The following MELK variants were observed in gnomAD, a reference collection of about 807,000 sequenced individuals.
MELK encodes the protein maternal embryonic leucine zipper kinase.
In MELK, 81 loss-of-function variants were observed where a neutral mutation model predicts 85.0. The ratio of observed to expected loss-of-function variants is 0.95; its 90% CI spans 0.80 to 1.15. The LOEUF (loss-of-function observed/expected upper bound fraction) is 1.15. MELK is among the 50% of genes most tolerant of loss of function. MELK has a pLI of 0.00. For missense variants in MELK, 754 were observed against 777.5 expected (o/e 0.97, Z 0.36); for synonymous variants, 252 against 265.0 (o/e 0.95, Z 0.48).
At position 36,643,026 on chromosome 9, in the gene MELK, A is replaced by G; in HGVS notation, c.864A>G (p.Thr288=). 1 of 1,612,506 alleles carries G rather than the reference A, an allele frequency of 6.2e-7. No individual in the cohort carries two copies. Among genetic ancestry groups the G allele is most frequent in the Non-Finnish European group, 8.5e-7 (1 of 1,179,530 alleles). The change falls in exon 11 of 18, where the codon ACA becomes ACG. Residue 288 remains threonine, a synonymous_variant. Coordinates refer to ENST00000298048, the MANE Select transcript of MELK (RefSeq NM_014791.4). The part of the protein sequence containing the change: ...PFIHLDDDCV[T]ELSVHHRNNR... ...TTCACCTCGATGATGATTGCGTAAC[A>G]GAACTTTCTGTACATCACAGAAACA...
intron 1 of MELK, among the ~76,000 whole-genome samples, chr9:36,578,865 C>T (rs1395713140): frequency 1.3e-5 from 2 of 152,028 alleles, no homozygotes; most frequent in Non-Finnish European, 2.9e-5. Context: ...TTTTTTGAGA[C>T]AGAATCTTGC....
At chr9:36,596,663 C>T (rs1253588186) in intron 5 of MELK, among the ~76,000 whole-genome samples, 2 of 151,052 alleles carry the variant, frequency 1.3e-5, no homozygotes, top group East Asian at 3.9e-4. Context: ...CTCGGCTCAC[C>T]CCAACCCCCG....
At chr9:36,580,229 G>A (rs1336446240) in intron 1 of MELK, among the ~76,000 whole-genome samples, 1 of 151,712 alleles carries the variant, frequency 6.6e-6, no homozygotes, top group Admixed American at 6.6e-5. Context: ...AGGGTTTTAT[G>A]ATGTTAGCCA....
At chr9:36,605,250 C>T (rs993776401) in intron 7 of MELK, among the ~76,000 whole-genome samples, 2 of 151,758 alleles carry the variant, frequency 1.3e-5, no homozygotes, top group Non-Finnish European at 2.9e-5. Context: ...GCTCTGTTGC[C>T]CAGGCTGGAG....
chr9:36,633,074 T>A, intron 9 of MELK, 28 bp from the exon 10 acceptor site: 1 of 1,480,704 alleles, frequency 6.8e-7, no homozygotes, highest in Non-Finnish European at 9.4e-7. Flanking sequence ...GAAATGTTAA[T>A]CTCTAGCTAC....
chr9:36,594,309 A>G (rs895216435), intron 4 of MELK, among the ~76,000 whole-genome samples: 2 of 152,234 alleles, frequency 1.3e-5, no homozygotes, highest in Non-Finnish European at 2.9e-5. Flanking sequence ...AGAGTACATT[A>G]AGATGAGAAT....
At chr9:36,662,113 C>T (rs1336028455) in intron 13 of MELK, among the ~76,000 whole-genome samples, 3 of 150,690 alleles carry the variant, frequency 2.0e-5, no homozygotes, top group African/African-American at 7.3e-5. Context: ...TCTGTATTTC[C>T]CCCTTATTTC....
chr9:36,650,520 G>GTA (rs1376554298), intron 11 of MELK, among the ~76,000 whole-genome samples: 1 of 152,172 alleles, frequency 6.6e-6, no homozygotes, highest in East Asian at 1.9e-4. Context: ...ATCAAGAAGA[G>GTA]TATACTACCA....
chr9:36,665,733 T>G, intron 14 of MELK, 152 bp downstream of exon 14: 1 of 578,744 alleles, frequency 1.7e-6, no homozygotes, highest in South Asian at 2.7e-5. Flanking sequence ...TTAGTTAAAA[T>G]GAAAGCATAT....
At chr9:36,657,853 G>A (rs1021647357) in intron 13 of MELK, among the ~76,000 whole-genome samples, 4 of 152,184 alleles carry the variant, frequency 2.6e-5, no homozygotes, top group Admixed American at 1.3e-4. Context: ...AAAGTGCTGG[G>A]ATTACAGGCG....
chr9:36,610,784 C>G (rs951035181), intron 8 of MELK, among the ~76,000 whole-genome samples: 1 of 152,166 alleles, frequency 6.6e-6, no homozygotes, highest in African/African-American at 2.4e-5. Flanking sequence ...CAGAAGTGGT[C>G]TTTGGGCAGC....
intron 17 of MELK, among the ~76,000 whole-genome samples, chr9:36,675,787 A>G (rs1289556501): frequency 6.6e-6 from 1 of 152,180 alleles, no homozygotes; most frequent in Admixed American, 6.5e-5. Context: ...TTTCCATTCA[A>G]TTATTTCCCT....
chr9:36,662,393 G>A (rs943042380), intron 13 of MELK, among the ~76,000 whole-genome samples: 5 of 151,792 alleles, frequency 3.3e-5, no homozygotes, highest in Admixed American at 6.6e-5. Flanking sequence ...ACAGGCACCC[G>A]CCACCATGTC....
In MELK at chr9:36,602,361, C is replaced by T. The variant is rs574117720; in HGVS notation, c.567+2875C>T. On this transcript the variant is annotated intron_variant, in intron 7 of 17. Coordinates refer to ENST00000298048, the MANE Select transcript of MELK (RefSeq NM_014791.4). The stretch of plus-strand genomic sequence containing the variant: ...TAAAAATTAGCTAGGCATGGTGATG[C>T]GCACCTGTAATCCCAGCTACTTGGG... 2.6e-5 allele frequency among the ~76,000 whole-genome samples: 4 copies of T among 151,298 alleles called. No homozygotes were observed. In the East Asian group the frequency reaches 5.9e-4, roughly 22 times the overall value.
At chr9:36,605,490 G>A (rs1433979689) in intron 7 of MELK, among the ~76,000 whole-genome samples, 2 of 152,092 alleles carry the variant, frequency 1.3e-5, no homozygotes, top group African/African-American at 4.8e-5. Context: ...GGGATTATAG[G>A]TGTGAGCCAC....
chr9:36,596,571 T>C (rs1422224326), intron 5 of MELK, among the ~76,000 whole-genome samples: 1 of 122,894 alleles, frequency 8.1e-6, no homozygotes, highest in African/African-American at 4.0e-5. Context: ...TTGTTTTTTT[T>C]GTTTTTTTTG....
intron 8 of MELK, among the ~76,000 whole-genome samples, chr9:36,608,184 G>A (rs1482119058): frequency 6.7e-6 from 1 of 149,494 alleles, no homozygotes; most frequent in Non-Finnish European, 1.5e-5. Flanking sequence ...GGAGGCTGAG[G>A]CAGGAGAATG....
chr9:36,676,297 A>C (rs1301095156), intron 17 of MELK, among the ~76,000 whole-genome samples: 1 of 152,234 alleles, frequency 6.6e-6, no homozygotes, highest in Non-Finnish European at 1.5e-5. Flanking sequence ...TTCTCCACAC[A>C]TCTGTGGAAC....
chr9:36,669,990 A>G (rs1417611167), intron 15 of MELK, among the ~76,000 whole-genome samples: 5 of 152,214 alleles, frequency 3.3e-5, no homozygotes, highest in Admixed American at 6.5e-5. Flanking sequence ...TCAAAGCTAT[A>G]TAGTACAAAG....
Sources: allele counts gnomAD v4.1 joint callset (sites outside exome capture counted in the v4.1 genomes callset), GRCh38; gene constraint gnomAD v4.1.1; transcripts MANE v1.5; gene names NCBI Gene and HGNC (gene_info 2026-07-23, HGNC 2026-07-21).